The following CNTN5 variants were observed in gnomAD, a reference collection of about 807,000 sequenced individuals.
CNTN5 encodes the protein contactin-5.
A neutral mutation model predicts 129.1 loss-of-function variants in CNTN5; 77 were observed. That is an observed-to-expected ratio of 0.60 (90% CI 0.50 to 0.72). CNTN5 has a LOEUF of 0.72. CNTN5 is among the 30% of genes least tolerant of loss of function. The pLI is 0.00. For synonymous variants in CNTN5, 509 were observed against 465.6 expected (o/e 1.09, Z -1.20); for missense variants, 1,478 against 1,328.8 (o/e 1.11, Z -1.75).
intron 9 of CNTN5, among the ~76,000 whole-genome samples, chr11:100,027,166 G>T (rs1194551563): frequency 1.3e-5 from 2 of 152,026 alleles, no homozygotes; most frequent in Admixed American, 6.6e-5. Context: ...TTGGTCAATT[G>T]TTTGTTTTCT....
intron 21 of CNTN5, among the ~76,000 whole-genome samples, chr11:100,319,895 A>G (rs1470513605): frequency 6.6e-6 from 1 of 152,066 alleles, no homozygotes; most frequent in East Asian, 1.9e-4. Context: ...TTTCTTTTTT[A>G]TAGTTGAATG....
intron 3 of CNTN5, among the ~76,000 whole-genome samples, chr11:99,768,627 G>A (rs991954366): frequency 1.3e-5 from 2 of 152,068 alleles, no homozygotes; most frequent in Non-Finnish European, 2.9e-5. Context: ...TTTACGTGAT[G>A]ATTTCCTCTT....
chr11:99,761,116 A>G (rs1944565062), intron 3 of CNTN5, among the ~76,000 whole-genome samples: 1 of 152,128 alleles, frequency 6.6e-6, no homozygotes, highest in African/African-American at 2.4e-5. Context: ...ATATATGTGT[A>G]GAAGGTAATT....
intron 13 of CNTN5, among the ~76,000 whole-genome samples, chr11:100,175,583 A>G (rs574884777): frequency 4.4e-4 from 67 of 152,256 alleles, no homozygotes; most frequent in Middle Eastern, 6.8e-3. Flanking sequence ...TATGAAGACA[A>G]AAAGTGAAGG....
At chr11:100,136,504 T>C (rs544233916) in intron 13 of CNTN5, among the ~76,000 whole-genome samples, 1 of 152,230 alleles carries the variant, frequency 6.6e-6, no homozygotes, top group East Asian at 1.9e-4. Flanking sequence ...TGACCTATTT[T>C]ATGCTTATGT....
At chr11:100,064,018 T>C (rs893294197) in intron 10 of CNTN5, among the ~76,000 whole-genome samples, 1 of 152,110 alleles carries the variant, frequency 6.6e-6, no homozygotes, top group Non-Finnish European at 1.5e-5. Context: ...GATTCAGTCA[T>C]TTCCACCTGA....
chr11:100,127,773 C>T (rs1371395975), intron 13 of CNTN5, among the ~76,000 whole-genome samples: 1 of 150,946 alleles, frequency 6.6e-6, no homozygotes, highest in Non-Finnish European at 1.5e-5. Context: ...ATTCTCCTGC[C>T]TCAGCCTCCT....
intron 3 of CNTN5, among the ~76,000 whole-genome samples, chr11:99,726,149 C>G (rs1943330594): frequency 6.6e-6 from 1 of 152,170 alleles, no homozygotes; most frequent in Admixed American, 6.5e-5. Flanking sequence ...CATCCACCAT[C>G]ACTTATGACT....
intron 9 of CNTN5, among the ~76,000 whole-genome samples, chr11:100,011,538 G>C (rs765132311): frequency 2.8e-4 from 43 of 152,222 alleles, no homozygotes; most frequent in Non-Finnish European, 5.6e-4. Context: ...CCTTGAACCT[G>C]TTACTGTAAT....
chr11:100,316,463 T>C lies in CNTN5; in HGVS notation c.2730+7995T>C, dbSNP rs1591508143. On this transcript the variant is annotated intron_variant, in intron 21 of 24. Coordinates refer to ENST00000524871, the MANE Select transcript of CNTN5 (RefSeq NM_014361.4). ...TGGAACAATATAATTCTCGTGTCTA[T>C]AATTACCCCAGGATTTCTTAGCATC... 5.3e-5 allele frequency among the ~76,000 whole-genome samples: 8 copies of C among 152,168 alleles called. No individual in the cohort carries two copies. In the South Asian group the frequency reaches 1.7e-3, roughly 31 times the overall value.
chr11:100,112,476 A>C (rs1212695869), intron 13 of CNTN5, among the ~76,000 whole-genome samples: 1 of 152,132 alleles, frequency 6.6e-6, no homozygotes, highest in Non-Finnish European at 1.5e-5. Context: ...CAGACACCGA[A>C]AATGTAACAT....
At chr11:99,158,713 A>G (rs1285532539) in intron 1 of CNTN5, among the ~76,000 whole-genome samples, 1 of 152,198 alleles carries the variant, frequency 6.6e-6, no homozygotes, top group African/African-American at 2.4e-5. Flanking sequence ...GTTTACAGAC[A>G]ACGTAATTCT....
At chr11:99,359,241 C>T (rs1225453456) in intron 2 of CNTN5, among the ~76,000 whole-genome samples, 4 of 152,106 alleles carry the variant, frequency 2.6e-5, no homozygotes, top group Non-Finnish European at 5.9e-5. Flanking sequence ...CTGTAAACGG[C>T]AGTACAACCA....
chr11:99,068,255 A>G (rs1284549915), intron 1 of CNTN5, among the ~76,000 whole-genome samples: 1 of 152,204 alleles, frequency 6.6e-6, no homozygotes, highest in Non-Finnish European at 1.5e-5. Context: ...CAAGAAACAA[A>G]GACAAGTAAT....
chr11:99,620,829 CTG>C (rs1950924766), intron 3 of CNTN5, among the ~76,000 whole-genome samples: 2 of 152,010 alleles, frequency 1.3e-5, no homozygotes, highest in African/African-American at 2.4e-5. Context: ...AGATATAAAA[CTG>C]TGAAATCATC....
At chr11:100,345,510 C>G (rs1265825742) in intron 23 of CNTN5, among the ~76,000 whole-genome samples, 1 of 151,226 alleles carries the variant, frequency 6.6e-6, no homozygotes, top group Non-Finnish European at 1.5e-5. Flanking sequence ...ATTGAGGTGT[C>G]AGCAACATAT....
chr11:100,072,981 C>G (rs867303391), intron 12 of CNTN5, among the ~76,000 whole-genome samples: 24 of 79,648 alleles, frequency 3.0e-4, no homozygotes, highest in Middle Eastern at 0.016. Flanking sequence ...AAATTCTATT[C>G]CCAGGAGGCA....
At chr11:99,080,701 G>A (rs1226791103) in intron 1 of CNTN5, among the ~76,000 whole-genome samples, 1 of 152,148 alleles carries the variant, frequency 6.6e-6, no homozygotes, top group East Asian at 1.9e-4. Context: ...CATCACACAG[G>A]GAGGCAGCAC....
intron 1 of CNTN5, among the ~76,000 whole-genome samples, chr11:99,151,258 T>C (rs535367085): frequency 6.6e-6 from 1 of 152,210 alleles, no homozygotes; most frequent in East Asian, 1.9e-4. Flanking sequence ...AGGTTAGGCA[T>C]GTCATGTGTG....
Sources: allele counts gnomAD v4.1 joint callset (sites outside exome capture counted in the v4.1 genomes callset), GRCh38; gene constraint gnomAD v4.1.1; transcripts MANE v1.5; gene names NCBI Gene and HGNC (gene_info 2026-07-23, HGNC 2026-07-21).